Variants in ARFIP1 observed in about 807,000 individuals in gnomAD.
The protein encoded by ARFIP1 is ARF interacting protein 1, also known as arfaptin-1.
In ARFIP1, 24 loss-of-function variants were observed where a neutral mutation model predicts 42.5. The ratio of observed to expected loss-of-function variants is 0.57; its 90% confidence interval spans 0.41 to 0.80. The LOEUF (loss-of-function observed/expected upper bound fraction) is 0.80. Among genes scored for constraint, ARFIP1 ranks in the 30% least tolerant of loss-of-function variants. ARFIP1 has a pLI of 0.00. For missense variants in ARFIP1, 354 were observed against 434.0 expected, an observed-to-expected ratio of 0.82 and a Z score of 1.64; for synonymous variants, 141 against 153.7, an observed-to-expected ratio of 0.92 and a Z score of 0.61.
chr4:152,879,583 C>T (rs1027791941), intron 5 of ARFIP1, among the ~76,000 whole-genome samples: 1 of 152,192 alleles, frequency 6.6e-6, no homozygotes, highest in African/African-American at 2.4e-5. Context: ...GGTGCGGTGG[C>T]TTATGCCTGT....
intron 1 of ARFIP1, among the ~76,000 whole-genome samples, chr4:152,804,227 C>G (rs190034342): frequency 0.27 from 5,667 of 20,844 alleles, 909 homozygotes; most frequent in East Asian, 0.38. Flanking sequence ...TATAATATAA[C>G]ATGTATTATA....
At chr4:152,880,350 CAAAAA>C (rs200632915) in intron 5 of ARFIP1, among the ~76,000 whole-genome samples, 1 of 125,528 alleles carries the variant, frequency 8.0e-6, no homozygotes, top group Admixed American at 7.6e-5. Flanking sequence ...CCATCTCAGA[CAAAAA>C]AAAAAAAAAA....
intron 2 of ARFIP1, among the ~76,000 whole-genome samples, chr4:152,855,357 G>A (rs146746115): frequency 7.2e-5 from 11 of 152,154 alleles, no homozygotes; most frequent in African/African-American, 2.4e-4. Flanking sequence ...AGCTGTGGTG[G>A]GGAGGGGTGG....
intron 1 of ARFIP1, among the ~76,000 whole-genome samples, chr4:152,794,005 T>TA (rs1323148453): frequency 6.6e-6 from 1 of 152,194 alleles, no homozygotes; most frequent in Non-Finnish European, 1.5e-5. Context: ...CAGAATTTCT[T>TA]ACTGTTTTTA....
intron 1 of ARFIP1, among the ~76,000 whole-genome samples, chr4:152,794,271 C>A (rs1345067984): frequency 6.6e-6 from 1 of 152,178 alleles, no homozygotes; most frequent in African/African-American, 2.4e-5. Flanking sequence ...TTAGCAATTT[C>A]TCCGTAGTCT....
chr4:152,866,525 GGCGGCTGGCC>G (rs1057450581), intron 3 of ARFIP1, among the ~76,000 whole-genome samples: 1 of 104,550 alleles, frequency 9.6e-6, no homozygotes, highest in African/African-American at 4.0e-5. Context: ...TCCCGGACGG[GGCGGCTGGCC>G]GCGCGGGGGC....
intron 1 of ARFIP1, among the ~76,000 whole-genome samples, chr4:152,793,182 A>G (rs1168718041): frequency 6.6e-6 from 1 of 151,966 alleles, no homozygotes; most frequent in Non-Finnish European, 1.5e-5. Flanking sequence ...ACTCCCATGT[A>G]TTTTGTTATC....
At position 152,862,601 on chromosome 4, in the gene ARFIP1, C is replaced by A. The variant is rs1578956130; in HGVS notation, c.94-1005C>A. ...ATATTTATGATCTAAAATCTGCTAT[C>A]TTAAACTACGATCAGTCTAAAAATT... On this transcript the variant is annotated intron_variant, in intron 2 of 8. Transcript: ENST00000353617. Among the ~76,000 whole-genome samples the A allele has an allele frequency of 2.6e-5, 4 of 152,240 alleles. No homozygotes were observed. In the South Asian group the frequency reaches 8.3e-4, roughly 32 times the overall value.
In ARFIP1 at chr4:152,887,145, C is replaced by T. The variant is rs1425636375; in HGVS notation, c.792-988C>T. On this transcript the variant is annotated intron_variant, in intron 7 of 8. Coordinates refer to ENST00000353617, the MANE Select transcript of ARFIP1 (RefSeq NM_001025595.3). ...ACTTTGCTTCTTCTTTGCTGAGTAC[C>T]GAATAGTTGAAGCTGCTGGATAAAT... Among the ~76,000 whole-genome samples, 5 of 151,884 alleles carry T rather than the reference C, an allele frequency of 3.3e-5. No homozygotes were observed. The East Asian group carries it at 7.7e-4, about 23-fold the overall frequency.
At chr4:152,800,183 T>C (rs978827107) in intron 1 of ARFIP1, among the ~76,000 whole-genome samples, 7 of 152,310 alleles carry the variant, frequency 4.6e-5, no homozygotes, top group African/African-American at 1.7e-4. Context: ...ATTTTATGAC[T>C]TTAAAATTCC....
intron 1 of ARFIP1, chr4:152,796,630 T>G: frequency 1.1e-6 from 1 of 897,910 alleles, no homozygotes; most frequent in South Asian, 1.4e-5. Context: ...GGTGTTTCTC[T>G]TTTCATGCAT....
intron 8 of ARFIP1, among the ~76,000 whole-genome samples, chr4:152,907,645 A>G (rs1366563988): frequency 6.6e-6 from 1 of 152,234 alleles, no homozygotes; most frequent in Non-Finnish European, 1.5e-5. Flanking sequence ...ATCCTACCAC[A>G]GGCATTCTGC....
intron 1 of ARFIP1, among the ~76,000 whole-genome samples, chr4:152,821,701 T>C (rs1730382768): frequency 6.6e-6 from 1 of 152,184 alleles, no homozygotes; most frequent in African/African-American, 2.4e-5. Flanking sequence ...TCAGGCTATC[T>C]AAAGTCTGCA....
At chr4:152,804,515 A>G (rs1728855892) in intron 1 of ARFIP1, among the ~76,000 whole-genome samples, 1 of 131,196 alleles carries the variant, frequency 7.6e-6, no homozygotes, top group Non-Finnish European at 1.6e-5. Flanking sequence ...ATATATATAT[A>G]TAGTTGGGAG....
intron 5 of ARFIP1, among the ~76,000 whole-genome samples, chr4:152,874,453 A>G (rs947636557): frequency 2.6e-5 from 4 of 152,242 alleles, no homozygotes; most frequent in Non-Finnish European, 5.9e-5. Flanking sequence ...TTAATAGTCC[A>G]GTGTGTCCAG....
chr4:152,874,531 CTG>C lies in ARFIP1; in HGVS notation c.411+1971_411+1972del, dbSNP rs1735163222. On this transcript the variant is annotated intron_variant, in intron 5 of 8. Transcript: ENST00000353617. ...GACCTCATGGGGTCTGCATGACTCT[CTG>C]TGTTCTTACTGCTTTTTGAGCTTCT... Among the ~76,000 whole-genome samples the C allele has an allele frequency of 3.9e-5, 6 of 152,302 alleles. No individual in the cohort carries two copies. In the South Asian group the frequency reaches 1.2e-3, roughly 32 times the overall value.
intron 2 of ARFIP1, among the ~76,000 whole-genome samples, chr4:152,848,453 A>G (rs1197570297): frequency 6.6e-6 from 1 of 152,160 alleles, no homozygotes; most frequent in Non-Finnish European, 1.5e-5. Flanking sequence ...ATTTCCCTGC[A>G]TGTGGTATTT....
chr4:152,840,994 A>G (rs1732023553), intron 2 of ARFIP1, among the ~76,000 whole-genome samples: 1 of 151,408 alleles, frequency 6.6e-6, no homozygotes, highest in Non-Finnish European at 1.5e-5. Flanking sequence ...TGCTGGGATT[A>G]TAGTCGTGAG....
intron 1 of ARFIP1, among the ~76,000 whole-genome samples, chr4:152,822,265 C>T (rs1267052499): frequency 9.7e-6 from 1 of 103,486 alleles, no homozygotes; most frequent in Non-Finnish European, 1.9e-5. Flanking sequence ...GCCATTATAT[C>T]AGATCAAACA....
Sources: allele counts gnomAD v4.1 joint callset (sites outside exome capture counted in the v4.1 genomes callset), GRCh38; gene constraint gnomAD v4.1.1; transcripts MANE v1.5; gene names NCBI Gene and HGNC (gene_info 2026-07-23, HGNC 2026-07-21).